Variants in TTC28 observed in about 807,000 individuals in gnomAD.
The protein encoded by TTC28 is tetratricopeptide repeat domain 28.
In TTC28, 61 loss-of-function variants were observed where a neutral mutation model predicts 198.0. That is an observed-to-expected ratio of 0.31 (90% CI 0.25 to 0.38). The LOEUF (loss-of-function observed/expected upper bound fraction) is 0.38. Ranked by LOEUF, TTC28 falls within the 10% of genes least tolerant of loss-of-function variation. TTC28 has a pLI of 1.00. For missense variants in TTC28, 2,678 were observed against 3,164.0 expected, an observed-to-expected ratio of 0.85 and a Z score of 3.69; for synonymous variants, 1,171 against 1,297.8, an observed-to-expected ratio of 0.90 and a Z score of 2.10.
intron 2 of TTC28, among the ~76,000 whole-genome samples, chr22:28,516,142 T>C (rs2048782236): frequency 6.8e-6 from 1 of 146,254 alleles, no homozygotes; most frequent in Non-Finnish European, 1.5e-5. Context: ...CGAAACTCCA[T>C]CTCAAAAAAA....
intron 2 of TTC28, among the ~76,000 whole-genome samples, chr22:28,450,493 AT>A (rs966417315): frequency 5.1e-4 from 77 of 152,294 alleles, no homozygotes; most frequent in Non-Finnish European, 9.8e-4. Context: ...CCTACCTATG[AT>A]TTTTGAGATT....
chr22:28,081,011 T>C lies in TTC28; in HGVS notation c.3932+13069A>G, dbSNP rs886094056. 3.1e-4 allele frequency among the ~76,000 whole-genome samples: 47 copies of C among 152,028 alleles called. 1 individual carries two copies. The highest frequency in any genetic ancestry group is 1.1e-3 in the African/African-American group (47 of 41,402). ...ATTTGACATACACATAAGGGTTTAT[T>C]TCTGGGCTATTTATTCTATTTCATT... is the stretch of plus-strand genomic sequence containing the variant. On this transcript the variant is annotated intron_variant, in intron 12 of 22. Transcript: ENST00000397906.
At chr22:28,624,314 C>T (rs1370979448) in intron 2 of TTC28, among the ~76,000 whole-genome samples, 1 of 151,692 alleles carries the variant, frequency 6.6e-6, no homozygotes, top group African/African-American at 2.4e-5. Context: ...GGAGGCAGAG[C>T]TTGCAGTGAG....
At chr22:28,661,616 T>G (rs112229076) in intron 1 of TTC28, among the ~76,000 whole-genome samples, 1,567 of 144,748 alleles carry the variant, frequency 0.011, 34 homozygotes, top group East Asian at 0.085. Context: ...GATAGTTTTG[T>G]TTTTTTTTTT....
At chr22:28,557,635 T>C (rs1213016004) in intron 2 of TTC28, among the ~76,000 whole-genome samples, 1 of 152,228 alleles carries the variant, frequency 6.6e-6, no homozygotes, top group Non-Finnish European at 1.5e-5. Flanking sequence ...ATCCCTTCAA[T>C]ATCTTAAGTT....
At chr22:28,515,003 C>T (rs952107518) in intron 2 of TTC28, among the ~76,000 whole-genome samples, 8 of 152,182 alleles carry the variant, frequency 5.3e-5, no homozygotes, top group African/African-American at 1.9e-4. Flanking sequence ...AGTGAATACA[C>T]ACTTGATGGC....
chr22:27,995,996 G>T (rs1937544792), intron 17 of TTC28, 139 bp downstream of exon 17: 6 of 1,317,494 alleles, frequency 4.6e-6, no homozygotes, highest in Non-Finnish European at 6.1e-6. Flanking sequence ...GTGGAAGCCG[G>T]TCAGTGCCAT....
chr22:28,459,547 C>T (rs1183803553), intron 2 of TTC28, among the ~76,000 whole-genome samples: 1 of 152,208 alleles, frequency 6.6e-6, no homozygotes, highest in Admixed American at 6.5e-5. Flanking sequence ...ACCGACCCCC[C>T]TCCTTCAGGT....
intron 12 of TTC28, among the ~76,000 whole-genome samples, chr22:28,056,824 C>T (rs1395102262): frequency 3.3e-5 from 5 of 152,176 alleles, no homozygotes; most frequent in South Asian, 4.1e-4. Context: ...GGAGGCAAAT[C>T]GTCTGATTCT....
chr22:28,347,288 A>G lies in TTC28; in HGVS notation c.382-40645T>C, dbSNP rs540355187. On this transcript the variant is annotated intron_variant, in intron 2 of 22. Transcript: ENST00000397906. ...CAAAAGAGGAAAAAAAAAAAAAACA[A>G]AAAAAGAAAAAAGAAAGACTCTTGA... 6.6e-5 allele frequency among the ~76,000 whole-genome samples: 10 copies of G among 151,746 alleles called. No homozygotes were observed. The South Asian group carries it at 1.5e-3, about 22-fold the overall frequency.
chr22:28,604,749 A>G (rs763236777), intron 2 of TTC28, among the ~76,000 whole-genome samples: 4 of 152,212 alleles, frequency 2.6e-5, no homozygotes, highest in South Asian at 4.1e-4. Flanking sequence ...CAGCTCAAAA[A>G]AAAGAAAGAA....
intron 12 of TTC28, among the ~76,000 whole-genome samples, chr22:28,040,237 T>C (rs1939562382): frequency 6.6e-6 from 1 of 151,642 alleles, no homozygotes; most frequent in Admixed American, 6.6e-5. Flanking sequence ...ACTCATTTTA[T>C]GAGGCTAGCA....
chr22:28,083,969 C>T (rs1045268192), intron 12 of TTC28, among the ~76,000 whole-genome samples: 4 of 152,254 alleles, frequency 2.6e-5, no homozygotes, highest in South Asian at 2.1e-4. Context: ...GTGGGAGGGG[C>T]GCCTGCCATT....
intron 5 of TTC28, among the ~76,000 whole-genome samples, chr22:28,191,504 G>A (rs149675014): frequency 0.02 from 3,017 of 152,336 alleles, 100 homozygotes; most frequent in African/African-American, 0.069. Flanking sequence ...CGCCTCACCC[G>A]GGAAGCACAA....
chr22:28,386,324 T>C (rs2046593200), intron 2 of TTC28, among the ~76,000 whole-genome samples: 1 of 145,768 alleles, frequency 6.9e-6, no homozygotes, highest in African/African-American at 2.5e-5. Flanking sequence ...TCACCAGTTT[T>C]AGCAGTTGGC....
chr22:28,505,256 C>CA (rs35503278), intron 2 of TTC28, among the ~76,000 whole-genome samples: 35,913 of 74,616 alleles, frequency 0.48, 7,644 homozygotes, highest in African/African-American at 0.57. Context: ...GACTCCGTCT[C>CA]AAAAAAAAAA....
At chr22:28,278,406 AT>A (rs1385170326) in intron 5 of TTC28, among the ~76,000 whole-genome samples, 3 of 152,214 alleles carry the variant, frequency 2.0e-5, no homozygotes, top group Non-Finnish European at 4.4e-5. Flanking sequence ...ATCATTATGG[AT>A]AAAATACTTA....
intron 6 of TTC28, among the ~76,000 whole-genome samples, chr22:28,156,342 A>T (rs1347203749): frequency 6.6e-6 from 1 of 152,232 alleles, no homozygotes; most frequent in Non-Finnish European, 1.5e-5. Context: ...ATGTATCCTG[A>T]AGGAGGAAGA....
At position 27,993,636 on chromosome 22, in the gene TTC28, A is replaced by G. The variant is rs544047050; in HGVS notation, c.5245-118T>C. ...CAGGCTGACTGCTGCAACCCCACATAGCCCACGTGGCCAGGCCTGAGGATG... is the reference window on the plus strand; with the variant it reads ...CAGGCTGACTGCTGCAACCCCACATGGCCCACGTGGCCAGGCCTGAGGATG... On this transcript the variant is annotated intron_variant, in intron 17 of 22. Coordinates refer to ENST00000397906, the MANE Select transcript of TTC28 (RefSeq NM_001145418.2). The G allele has an allele frequency of 2.6e-5, 27 of 1,023,734 alleles. No individual in the cohort carries two copies. The South Asian group carries it at 3.2e-4, about 12-fold the overall frequency. The allele number at this position is 1,023,734 out of a possible 1,614,324, so 63.4% of individuals were successfully genotyped here. A position where few individuals can be genotyped will look rare whatever the true frequency, so the allele number is the denominator to read the frequency against.
Sources: gnomAD v4.1 joint callset for allele counts (sites outside exome capture counted in the v4.1 genomes callset) on GRCh38, gnomAD v4.1.1 for gene constraint, MANE v1.5 for transcripts, NCBI Gene and HGNC (gene_info 2026-07-23, HGNC 2026-07-21) for gene names.